Variants in GPHN observed in about 807,000 individuals in gnomAD.
GPHN encodes gephyrin.
GPHN carries 17 observed loss-of-function variants against 95.5 expected under a neutral mutation model. The observed-to-expected ratio is 0.18, with a 90% CI of 0.12 to 0.27. The LOEUF (loss-of-function observed/expected upper bound fraction) is 0.27. Among genes scored for constraint, GPHN ranks in the 10% least tolerant of loss-of-function variants. The pLI is 1.00. For missense variants in GPHN, 660 were observed against 978.1 expected, an observed-to-expected ratio of 0.67 and a Z score of 4.34; for synonymous variants, 320 against 322.5, an observed-to-expected ratio of 0.99 and a Z score of 0.08.
chr14:66,998,762 T>A (rs954514533), intron 9 of GPHN, among the ~76,000 whole-genome samples: 8 of 152,006 alleles, frequency 5.3e-5, no homozygotes, highest in Admixed American at 5.3e-4. Flanking sequence ...ATGAAAAAAA[T>A]AAGCCTTGCT....
At chr14:67,725,999 C>A in the GPHN span, 3 of 1,194,342 alleles carry the variant, frequency 2.5e-6, no homozygotes, top group South Asian at 2.4e-5. Flanking sequence ...CTGTTACAGG[C>A]AGCTAGGGGA....
At chr14:66,859,704 G>A (rs971218003) in intron 4 of GPHN, among the ~76,000 whole-genome samples, 2 of 152,188 alleles carry the variant, frequency 1.3e-5, no homozygotes, top group African/African-American at 4.8e-5. Flanking sequence ...TAGATATTTT[G>A]AGGAAACTCA....
rs146471963 is a variant in GPHN at position 66,866,455 on chromosome 14, C to G, written c.295-13484C>G. Among the ~76,000 whole-genome samples, 470 of 152,188 alleles carry G rather than the reference C, an allele frequency of 3.1e-3. 11 individuals are homozygous for G. The highest frequency in any genetic ancestry group is 0.011 in the African/African-American group (446 of 41,530). ...TGAAGATACGTATTCTCATGAAAAT[C>G]TCTTATAAAAAGTGATTTGTTCACC... On this transcript the variant is annotated intron_variant, in intron 4 of 22. Coordinates refer to ENST00000478722, the MANE Select transcript of GPHN (RefSeq NM_020806.5).
At chr14:67,449,410 G>T in the GPHN span, among the ~76,000 whole-genome samples, 1 of 152,144 alleles carries the variant, frequency 6.6e-6, no homozygotes, top group South Asian at 2.1e-4. Flanking sequence ...GCCTGGGAAA[G>T]ATGCTCTTTC....
At chr14:67,169,719 C>T (rs569819719) in intron 21 of GPHN, among the ~76,000 whole-genome samples, 7 of 152,264 alleles carry the variant, frequency 4.6e-5, no homozygotes, top group South Asian at 4.1e-4. Context: ...CCAAGTGTTC[C>T]GAAGTAAATT....
chr14:67,546,921 T>C, the GPHN span, among the ~76,000 whole-genome samples: 2 of 152,198 alleles, frequency 1.3e-5, no homozygotes, highest in Admixed American at 6.5e-5. Flanking sequence ...TATTTCATAA[T>C]AAATGTTTTA....
the GPHN span, among the ~76,000 whole-genome samples, chr14:67,714,343 T>C: frequency 4.6e-5 from 7 of 152,088 alleles, no homozygotes; most frequent in Admixed American, 3.3e-4. Context: ...TCTGATTATG[T>C]TGCTCTTGGT....
chr14:67,284,330 G>T, the GPHN span, among the ~76,000 whole-genome samples: 2 of 150,860 alleles, frequency 1.3e-5, no homozygotes, highest in East Asian at 3.9e-4. Flanking sequence ...AGGCGTGGTG[G>T]TTCACGCCCG....
chr14:66,720,220 G>A (rs2070605065), intron 2 of GPHN, among the ~76,000 whole-genome samples: 1 of 152,104 alleles, frequency 6.6e-6, no homozygotes. Flanking sequence ...TCTAAAGATT[G>A]TCTAAAAATA....
chr14:66,804,431 G>T (rs2060469531), intron 3 of GPHN, among the ~76,000 whole-genome samples: 1 of 152,184 alleles, frequency 6.6e-6, no homozygotes, highest in South Asian at 2.1e-4. Context: ...CAATGCAAAA[G>T]ATTTCATTTT....
the GPHN span, chr14:67,585,512 A>G: frequency 8.4e-7 from 1 of 1,195,370 alleles, no homozygotes. Flanking sequence ...GAAAGTTATT[A>G]TAGTTCAAAA....
chr14:67,626,423 T>C, the GPHN span, among the ~76,000 whole-genome samples: 13 of 152,220 alleles, frequency 8.5e-5, no homozygotes, highest in African/African-American at 3.1e-4. Context: ...GGAAAACAGT[T>C]TGGCAGATCC....
At chr14:67,412,034 C>G in the GPHN span, 2 of 1,558,418 alleles carry the variant, frequency 1.3e-6, no homozygotes, top group South Asian at 2.4e-5. Flanking sequence ...GACCAGGAAG[C>G]CCTCCTTGAG....
chr14:66,890,837 T>C (rs1185774699), intron 5 of GPHN, among the ~76,000 whole-genome samples: 1 of 151,112 alleles, frequency 6.6e-6, no homozygotes, highest in African/African-American at 2.4e-5. Flanking sequence ...TGATGATGGG[T>C]TTTCAGCATC....
At chr14:67,303,890 C>T in the GPHN span, among the ~76,000 whole-genome samples, 1 of 152,082 alleles carries the variant, frequency 6.6e-6, no homozygotes, top group Non-Finnish European at 1.5e-5. Flanking sequence ...ACCTCAGCCT[C>T]TTGAGTAGCT....
chr14:67,632,803 TCTTA>T, the GPHN span, among the ~76,000 whole-genome samples: 1 of 143,164 alleles, frequency 7.0e-6, no homozygotes, highest in Non-Finnish European at 1.5e-5. Context: ...GAATTAAGCC[TCTTA>T]ATTTTTTTTT....
the GPHN span, among the ~76,000 whole-genome samples, chr14:67,530,424 C>G: frequency 1.3e-5 from 2 of 152,072 alleles, no homozygotes; most frequent in Non-Finnish European, 2.9e-5. Flanking sequence ...TAGTGCTGTC[C>G]AAGGAACAAG....
At chr14:67,149,396 G>C (rs771924596) in intron 18 of GPHN, among the ~76,000 whole-genome samples, 1 of 152,052 alleles carries the variant, frequency 6.6e-6, no homozygotes, top group Non-Finnish European at 1.5e-5. Flanking sequence ...CTTTATTGTT[G>C]TTATTTTCAA....
chr14:67,306,996 T>C, the GPHN span, among the ~76,000 whole-genome samples: 1 of 152,214 alleles, frequency 6.6e-6, no homozygotes, highest in South Asian at 2.1e-4. Context: ...AAAATAAGTG[T>C]TATCTGAAAC....
Sources: allele counts gnomAD v4.1 joint callset (sites outside exome capture counted in the v4.1 genomes callset), GRCh38; gene constraint gnomAD v4.1.1; transcripts MANE v1.5; gene names NCBI Gene and HGNC (gene_info 2026-07-23, HGNC 2026-07-21).